Variants in KCNC2 observed in about 807,000 individuals in gnomAD.
KCNC2 encodes the protein voltage-gated potassium channel KCNC2.
In KCNC2, 21 loss-of-function variants were observed where a neutral mutation model predicts 44.5. The ratio of observed to expected loss-of-function variants is 0.47; its 90% CI spans 0.33 to 0.68. The LOEUF (loss-of-function observed/expected upper bound fraction) is 0.68, where lower values mean the gene tolerates loss of function less well. Among genes scored for constraint, KCNC2 ranks in the 30% least tolerant of loss-of-function variants. The probability of loss-of-function intolerance (pLI) is 0.01; values close to 1 mark genes in which losing one functional copy is unlikely to be tolerated. For missense variants in KCNC2, 589 were observed against 826.2 expected, an observed-to-expected ratio of 0.71 and a Z score of 3.52; for synonymous variants, 391 against 339.1, an observed-to-expected ratio of 1.15 and a Z score of -1.68.
At chr12:75,044,127 G>A (rs1473112435) in intron 4 of KCNC2, among the ~76,000 whole-genome samples, 1 of 151,864 alleles carries the variant, frequency 6.6e-6, no homozygotes, top group African/African-American at 2.4e-5. Context: ...GCATATTTTA[G>A]TATTTTTTAT....
intron 2 of KCNC2, among the ~76,000 whole-genome samples, chr12:75,103,034 C>T (rs1012136651): frequency 3.3e-5 from 5 of 152,006 alleles, no homozygotes; most frequent in African/African-American, 1.2e-4. Context: ...GCATGACAAA[C>T]AGAAGATGTT....
At position 75,071,807 on chromosome 12, in the gene KCNC2, C is replaced by T. The variant is rs146062976; in HGVS notation, c.688-20490G>A. 1.8e-3 allele frequency among the ~76,000 whole-genome samples: 276 copies of T among 151,830 alleles called. 5 individuals carry two copies. In the East Asian group the frequency reaches 0.046, roughly 25 times the overall value. On this transcript the variant is annotated intron_variant, in intron 2 of 4. Coordinates refer to ENST00000549446, the MANE Select transcript of KCNC2 (RefSeq NM_139137.4). ...CAAAAATTAGCCAGGTTTGGTGGCA[C>T]GCACCTGTAATCCCAGCTACTGAGG...
chr12:75,071,376 T>C (rs1374878023), intron 2 of KCNC2, among the ~76,000 whole-genome samples: 2 of 152,196 alleles, frequency 1.3e-5, no homozygotes, highest in Non-Finnish European at 2.9e-5. Context: ...ATCCTAAAAA[T>C]ATTGGGAATT....
intron 2 of KCNC2, among the ~76,000 whole-genome samples, chr12:75,064,506 T>G (rs1234694737): frequency 6.6e-6 from 1 of 152,028 alleles, no homozygotes; most frequent in Non-Finnish European, 1.5e-5. Flanking sequence ...CAGGGTCCAA[T>G]AATTGTGGCA....
rs544212361 is a variant in KCNC2, at chr12:75,194,326, G to A, written c.687+12971C>T. On this transcript the variant is annotated intron_variant, in intron 2 of 4. Transcript: ENST00000549446. ...GGCCAGGGGAAGGGGATCATCATGTGAAGATGGAGATGCATCTACAGCCAA... is the reference window on the plus strand; with the variant it reads ...GGCCAGGGGAAGGGGATCATCATGTAAAGATGGAGATGCATCTACAGCCAA... Among the ~76,000 whole-genome samples, 7 of 152,276 alleles carry A rather than the reference G, an allele frequency of 4.6e-5. No homozygotes were observed. In the South Asian group the frequency reaches 1.2e-3, roughly 27 times the overall value.
In KCNC2 at chr12:75,207,434, C is replaced by A. The variant is rs753163407; in HGVS notation, c.550G>T (p.Asp184Tyr). ...LIGGDPGDDE[D>Y]LAAKRLGIED... The stretch of plus-strand genomic sequence containing the variant: ...ATGCCCAGCCTCTTGGCCGCCAGGT[C>A]CTCGTCGTCGCCGGGGTCGCCGCCA... The change falls in exon 2 of 5, where the codon GAC becomes TAC. Residue 184 changes from aspartate to tyrosine, a missense_variant. Coordinates refer to ENST00000549446, the MANE Select transcript of KCNC2 (RefSeq NM_139137.4). This position sits in a 1 kb window ranked among gnomAD's most constrained non-coding sequence, Gnocchi z 4.1. 6.2e-7 allele frequency: 1 copy of A among 1,607,940 alleles called. No homozygotes were observed. The highest frequency in any genetic ancestry group is 1.7e-5 in the Admixed American group (1 of 59,384).
intron 2 of KCNC2, among the ~76,000 whole-genome samples, chr12:75,116,363 T>G (rs1216194353): frequency 6.6e-6 from 1 of 152,146 alleles, no homozygotes; most frequent in Non-Finnish European, 1.5e-5. Context: ...GGAATTGTTA[T>G]TATTAAAATA....
rs947035905 is a variant in KCNC2 at position 75,158,700 on chromosome 12, C to A, written c.687+48597G>T. Among the ~76,000 whole-genome samples the A allele has an allele frequency of 2.0e-5, 3 of 151,300 alleles. No individual in the cohort carries two copies. The South Asian group carries it at 6.2e-4, about 31-fold the overall frequency. On this transcript the variant is annotated intron_variant, in intron 2 of 4. Transcript: ENST00000549446. ...CAAAGTTACTTTGATTTTTTTTTCC[C>A]AAAAAACCTTCTGAGAAGCTTTATC...
chr12:75,130,082 G>T (rs1330910008), intron 2 of KCNC2, among the ~76,000 whole-genome samples: 1 of 151,818 alleles, frequency 6.6e-6, no homozygotes, highest in African/African-American at 2.4e-5. Context: ...TGTCCTAATT[G>T]GTTCTAAGGT....
At chr12:75,100,362 A>T (rs952683746) in intron 2 of KCNC2, among the ~76,000 whole-genome samples, 1 of 152,074 alleles carries the variant, frequency 6.6e-6, no homozygotes, top group Non-Finnish European at 1.5e-5. Context: ...CAGGAGACCT[A>T]ACTCCTTATT....
intron 2 of KCNC2, among the ~76,000 whole-genome samples, chr12:75,179,951 C>A (rs905322083): frequency 6.6e-6 from 1 of 151,654 alleles, no homozygotes; most frequent in African/African-American, 2.4e-5. Context: ...AAAGCATTTA[C>A]TGAATATCAT....
At chr12:75,167,433 GT>G (rs1347750007) in intron 2 of KCNC2, among the ~76,000 whole-genome samples, 1 of 151,208 alleles carries the variant, frequency 6.6e-6, no homozygotes, top group East Asian at 1.9e-4. Context: ...ATGAATCACA[GT>G]TTTCTCTTTA....
At chr12:75,101,465 G>T (rs904362759) in intron 2 of KCNC2, among the ~76,000 whole-genome samples, 2 of 151,946 alleles carry the variant, frequency 1.3e-5, no homozygotes, top group Admixed American at 6.6e-5. Flanking sequence ...CACTTTGAGG[G>T]TACAGCTCTG....
At chr12:75,188,216 T>A (rs1356840677) in intron 2 of KCNC2, among the ~76,000 whole-genome samples, 2 of 152,290 alleles carry the variant, frequency 1.3e-5, no homozygotes, top group Non-Finnish European at 2.9e-5. Context: ...ACTAACTGTT[T>A]CAAAAATTAG....
At chr12:75,133,795 A>G (rs372357821) in intron 2 of KCNC2, among the ~76,000 whole-genome samples, 1 of 152,096 alleles carries the variant, frequency 6.6e-6, no homozygotes, top group Non-Finnish European at 1.5e-5. Context: ...TCATTCATTT[A>G]GTATCTTATA....
chr12:75,131,570 G>T (rs748503150), intron 2 of KCNC2, among the ~76,000 whole-genome samples: 5 of 152,156 alleles, frequency 3.3e-5, no homozygotes, highest in Non-Finnish European at 7.4e-5. Context: ...GCCCCTAAAT[G>T]CAGAGCATTT....
intron 2 of KCNC2, among the ~76,000 whole-genome samples, chr12:75,171,921 G>GT (rs1891849347): frequency 6.6e-6 from 1 of 151,662 alleles, no homozygotes; most frequent in East Asian, 1.9e-4. Flanking sequence ...TTTAAAAAGG[G>GT]TTTTTTAAAT....
intron 2 of KCNC2, among the ~76,000 whole-genome samples, chr12:75,069,846 G>A (rs1215698943): frequency 1.3e-5 from 2 of 152,100 alleles, no homozygotes; most frequent in Non-Finnish European, 2.9e-5. Flanking sequence ...CTATGCTAGG[G>A]AGACCCAGGG....
intron 2 of KCNC2, among the ~76,000 whole-genome samples, chr12:75,201,877 A>G (rs527811062): frequency 1.3e-5 from 2 of 152,044 alleles, no homozygotes; most frequent in South Asian, 2.1e-4. Flanking sequence ...TTTCCACTAT[A>G]TATTTTCTTC....
Sources: gnomAD v4.1 joint callset for allele counts (sites outside exome capture counted in the v4.1 genomes callset) on GRCh38, gnomAD v4.1.1 for gene constraint, Gnocchi (gnomAD v3.1) non-coding constraint, MANE v1.5 for transcripts, NCBI Gene and HGNC (gene_info 2026-07-23, HGNC 2026-07-21) for gene names.